PALM: variants seen among roughly 807,000 people sequenced by gnomAD.
PALM encodes the protein paralemmin-1.
A neutral mutation model predicts 30.7 loss-of-function variants in PALM; 18 were observed. The ratio of observed to expected loss-of-function variants is 0.59; its 90% confidence interval spans 0.41 to 0.87. The LOEUF is 0.87. Ranked by LOEUF, PALM falls within the 40% of genes least tolerant of loss-of-function variation. The pLI is 0.00. For synonymous variants in PALM, 286 were observed against 242.8 expected, an observed-to-expected ratio of 1.18 and a Z score of -1.66; for missense variants, 529 against 555.4, an observed-to-expected ratio of 0.95 and a Z score of 0.48.
intron 7 of PALM, 116 bp from the exon 8 acceptor site, chr19:740,236 C>A: frequency 1.9e-6 from 2 of 1,032,916 alleles, no homozygotes; most frequent in Non-Finnish European, 2.8e-6. Context: ...GCTCCGCCTG[C>A]CCCATCGCTG....
rs372995087 is a variant in PALM at position 723,847 on chromosome 19, C to T, written c.6-2291C>T. 3.9e-5 allele frequency among the ~76,000 whole-genome samples: 6 copies of T among 152,236 alleles called. No individual in the cohort carries two copies. In the South Asian group the frequency reaches 8.3e-4, roughly 21 times the overall value. ...CCGACCTCAGGTAATCCGCTCGCAT[C>T]GGCCTCCCAGAGCGCTGGGATTACA... is the stretch of plus-strand genomic sequence containing the variant. On this transcript the variant is annotated intron_variant, in intron 1 of 8. Coordinates refer to ENST00000338448, the MANE Select transcript of PALM (RefSeq NM_002579.3).
rs1182441552 is a variant in PALM, at chr19:709,914, G to GT, written c.5+763_5+764insT. Among the ~76,000 whole-genome samples the GT allele has an allele frequency of 2.0e-5, 3 of 151,936 alleles. No homozygotes were observed. Among genetic ancestry groups the GT allele is most frequent in the African/African-American group, 7.3e-5 (3 of 41,326 alleles). ...CGCATGGCTGCGCCTGTGTGTGTGGGGGGGGGGTGGCCAGTGGAGGCACCG... is the reference window on the plus strand; with the variant it reads ...CGCATGGCTGCGCCTGTGTGTGTGGGTGGGGGGGTGGCCAGTGGAGGCACCG... On this transcript the variant is annotated intron_variant, in intron 1 of 8. Transcript: ENST00000338448. This position sits in a 1 kb window ranked among gnomAD's most constrained non-coding sequence, Gnocchi z 4.3.
chr19:735,952 G>A, intron 6 of PALM, 67 bp from the exon 7 acceptor site: 2 of 1,383,312 alleles, frequency 1.4e-6, no homozygotes, highest in Non-Finnish European at 2.0e-6. Context: ...GCGTTGGGCT[G>A]TCTGGGGGGT....
chr19:741,392 A>AGGGGAGACGGGCTGCAGGG lies in PALM; in HGVS notation c.634+910_634+911insGGGAGACGGGCTGCAGGGG, dbSNP rs1568233338. Among the ~76,000 whole-genome samples, 80 of 90,102 alleles carry AGGGGAGACGGGCTGCAGGG rather than the reference A, an allele frequency of 8.9e-4. 14 individuals are homozygous for AGGGGAGACGGGCTGCAGGG. Among genetic ancestry groups the AGGGGAGACGGGCTGCAGGG allele is most frequent in the South Asian group, 1.6e-3 (5 of 3,110 alleles). The allele number at this position is 90,102 out of a possible 152,430, so 59.1% of individuals were successfully genotyped here. A position where few individuals can be genotyped will look rare whatever the true frequency, so the allele number is the denominator to read the frequency against. On this transcript the variant is annotated intron_variant, in intron 8 of 8. Transcript: ENST00000338448. ...GGGCTGAGGGGAGTTGGGCTGCAGG[A>AGGGGAGACGGGCTGCAGGG]GTGAGGGGAGACGGGCTGCAGGGGT... is the stretch of plus-strand genomic sequence containing the variant.
intron 1 of PALM, among the ~76,000 whole-genome samples, chr19:720,747 G>A (rs1273141030): frequency 6.6e-6 from 1 of 152,148 alleles, no homozygotes; most frequent in African/African-American, 2.4e-5. Context: ...GGCCGGGCAG[G>A]GACAGGCTGC....
At position 726,991 on chromosome 19, in the gene PALM, C is replaced by T; in HGVS notation, c.58-17C>T. 1.6e-6 allele frequency: 2 copies of T among 1,240,470 alleles called. No individual in the cohort carries two copies. Among genetic ancestry groups the T allele is most frequent in the Non-Finnish European group, 2.3e-6 (2 of 878,038 alleles). 76.8% of individuals were successfully genotyped at this position (1,240,470 alleles called of 1,614,324 possible). A position where few individuals can be genotyped will look rare whatever the true frequency, so the allele number is the denominator to read the frequency against. On this transcript the variant is annotated splice_polypyrimidine_tract_variant and intron_variant, in intron 2 of 8. Transcript: ENST00000338448. ...ACCCCCACGCCCATCCCTGACCCCA[C>T]CCGGCCCTCCCCACAGGAGAAGCGG...
intron 7 of PALM, among the ~76,000 whole-genome samples, chr19:736,316 C>G (rs971652652): frequency 2.2e-4 from 33 of 152,172 alleles, no homozygotes; most frequent in African/African-American, 7.5e-4. Context: ...GAAGACGGGC[C>G]CCACGCATGG....
intron 1 of PALM, among the ~76,000 whole-genome samples, chr19:716,960 C>T (rs1184077394): frequency 6.6e-6 from 1 of 150,814 alleles, no homozygotes; most frequent in Non-Finnish European, 1.5e-5. Flanking sequence ...GAGACAGAGT[C>T]TCTCTGTCAC....
At position 726,166 on chromosome 19, in the gene PALM, C is replaced by A; in HGVS notation, c.34C>A (p.Gln12Lys). 1 of 1,613,314 alleles carries A rather than the reference C, an allele frequency of 6.2e-7. No homozygotes were observed. The highest frequency in any genetic ancestry group is 8.5e-7 in the Non-Finnish European group (1 of 1,179,858). ...CCTGGCGGCAGAGACCACGTCCCAG[C>A]AGGAGCGGCTGCAGGCCATCGCAGT... Reference protein sequence around the residue: ...EVLAAETTSQQERLQAIAEKR... With the variant: ...EVLAAETTSQKERLQAIAEKR... The change falls in exon 2 of 9, where the codon CAG becomes AAG. Residue 12 changes from glutamine to lysine, a missense_variant. Coordinates refer to ENST00000338448, the MANE Select transcript of PALM (RefSeq NM_002579.3).
intron 1 of PALM, among the ~76,000 whole-genome samples, chr19:710,945 G>A (rs375785148): frequency 2.0e-5 from 3 of 152,180 alleles, no homozygotes; most frequent in African/African-American, 7.2e-5. Context: ...TCTTCTCCCC[G>A]GCGGGCTTCA....
chr19:726,005 G>T, intron 1 of PALM, 133 bp from the exon 2 acceptor site: 1 of 728,396 alleles, frequency 1.4e-6, no homozygotes, highest in Non-Finnish European at 2.4e-6. Flanking sequence ...TACAGAAGGG[G>T]AAACTGGGGT....
At chr19:745,775 T>A (rs570584723) in intron 8 of PALM, among the ~76,000 whole-genome samples, 2 of 150,994 alleles carry the variant, frequency 1.3e-5, no homozygotes, top group South Asian at 4.2e-4. Flanking sequence ...TTCCTCATTG[T>A]CGGCTGGGCC....
intron 5 of PALM, among the ~76,000 whole-genome samples, chr19:733,587 C>T (rs1447261153): frequency 1.3e-5 from 2 of 152,122 alleles, no homozygotes; most frequent in Non-Finnish European, 2.9e-5. Context: ...GGAGGAGGAT[C>T]GCTTGAGAGC....
At position 727,745 on chromosome 19, in the gene PALM, G is replaced by A. The variant is rs527750199; in HGVS notation, c.269+51G>A. 37 of 1,475,784 alleles carry A rather than the reference G, an allele frequency of 2.5e-5. 1 individual carries two copies. In the East Asian group the frequency reaches 4.2e-4, roughly 17 times the overall value. The allele number at this position is 1,475,784 out of a possible 1,614,324, so 91.4% of individuals were successfully genotyped here. On this transcript the variant is annotated intron_variant, in intron 4 of 8. Transcript: ENST00000338448. ...CGGGCTGGGTGGGGCCTCGGGGGCC[G>A]CTGGCTCCCGGGAGGGTGTGGGCTG... is the stretch of plus-strand genomic sequence containing the variant.
chr19:716,949 T>G (rs79909174), intron 1 of PALM, among the ~76,000 whole-genome samples: 6 of 151,964 alleles, frequency 3.9e-5, no homozygotes, highest in Non-Finnish European at 8.8e-5. Context: ...TTTTTTTTTT[T>G]GAGACAGAGT....
chr19:740,473 C>T lies in PALM; in HGVS notation c.624C>T (p.Asp208=), dbSNP rs971165925. ...CTCTGGGCATCAAAGTCTACGAGGA[C>T]GAGACCAAAGGTACGAGCACCCCGG... ...PLPLGIKVYE[D]ETKVVHAVDG... is the part of the protein sequence containing the mutation. Residue 208 remains aspartate (D), a synonymous_variant, in exon 8 of 9, where the codon GAC becomes GAT. Transcript: ENST00000338448. The T allele has an allele frequency of 7.7e-6, 12 of 1,551,496 alleles. No individual in the cohort carries two copies. Among genetic ancestry groups the T allele is most frequent in the Middle Eastern group, 1.7e-4 (1 of 5,992 alleles).
intron 1 of PALM, among the ~76,000 whole-genome samples, chr19:712,762 G>A (rs1360136625): frequency 6.6e-6 from 1 of 150,976 alleles, no homozygotes; most frequent in Non-Finnish European, 1.5e-5. Context: ...TGCAACCTCT[G>A]CCTCCTGGGT....
In PALM at chr19:727,003, C is replaced by CCCCCCCCCCAAA; in HGVS notation, c.58-5_58-4insCCCCCCCCCAAA. ...ATCCCTGACCCCACCCGGCCCTCCC[C>CCCCCCCCCCAAA]ACAGGAGAAGCGGAAGCGGCAGGCG... On this transcript the variant is annotated splice_polypyrimidine_tract_variant and splice_region_variant and intron_variant, in intron 2 of 8. Coordinates refer to ENST00000338448, the MANE Select transcript of PALM (RefSeq NM_002579.3). The CCCCCCCCCCAAA allele has an allele frequency of 6.6e-7, 1 of 1,524,300 alleles. No individual in the cohort carries two copies. The highest frequency in any genetic ancestry group is 2.5e-5 in the East Asian group (1 of 40,594). 94.4% of individuals were successfully genotyped at this position (1,524,300 alleles called of 1,614,324 possible).
Position 727,685 on chromosome 19 carries a change from C to T in PALM, c.260C>T (p.Ser87Leu), listed in dbSNP as rs766762780. ...DEQKTRLLEDSVSRLEKEIEV... is the reference protein window; with the variant it reads ...DEQKTRLLEDLVSRLEKEIEV... The stretch of plus-strand genomic sequence containing the variant: ...CAGAAGACACGGCTGCTGGAGGACT[C>T]GGTGTCCAGGTGGGGGCTGCAGCGT... Residue 87 changes from serine to leucine, a missense_variant, in exon 4 of 9, where the codon TCG becomes TTG. Transcript: ENST00000338448. The T allele has an allele frequency of 3.5e-5, 55 of 1,558,288 alleles. No homozygotes were observed. Among genetic ancestry groups the T allele is most frequent in the East Asian group, 9.5e-5 (4 of 42,282 alleles).
Sources: gnomAD v4.1 joint callset for allele counts (sites outside exome capture counted in the v4.1 genomes callset) on GRCh38, gnomAD v4.1.1 for gene constraint, Gnocchi (gnomAD v3.1) non-coding constraint, MANE v1.5 for transcripts, NCBI Gene and HGNC (gene_info 2026-07-23, HGNC 2026-07-21) for gene names.